The following FAT2 variants were observed in gnomAD, a reference collection of about 807,000 sequenced individuals.
FAT2 encodes the protein FAT atypical cadherin 2, also known as protocadherin Fat 2.
Under a neutral mutation model 295.3 loss-of-function variants are expected in FAT2, and 150 were observed. The ratio of observed to expected loss-of-function variants is 0.51; its 90% CI spans 0.44 to 0.58. The LOEUF is 0.58. FAT2 is among the 20% of genes least tolerant of loss of function. FAT2 has a pLI of 0.00. For missense variants in FAT2, 4,868 were observed against 5,442.7 expected (o/e 0.89, Z 3.32); for synonymous variants, 2,026 against 2,150.3 (o/e 0.94, Z 1.60).
chr5:151,568,669 A>G lies in FAT2; in HGVS notation c.263T>C (p.Val88Ala). 1 of 1,614,162 alleles carries G rather than the reference A, an allele frequency of 6.2e-7. No individual in the cohort carries two copies. ...TCTTAGGAAGCAGAAGTTGCCCACC[A>G]CATACTCCTCAGTTTTAAATACATT... ...VANVFKTEEYVVGNFCFLRIR... is the reference protein window; with the variant it reads ...VANVFKTEEYAVGNFCFLRIR... The change falls in exon 2 of 24, where the codon GTG becomes GCG. Residue 88 changes from valine (V) to alanine (A), a missense_variant. Val to Ala is a moderately conservative substitution (Grantham distance 64). Transcript: ENST00000261800.
At chr5:151,569,666 C>CT (rs34750192) in intron 1 of FAT2, among the ~76,000 whole-genome samples, 73,809 of 152,110 alleles carry the variant, frequency 0.49, 18,111 homozygotes, top group Non-Finnish European at 0.53. Context: ...GTCCTGAACT[C>CT]TTACTCTTTT....
intron 1 of FAT2, among the ~76,000 whole-genome samples, chr5:151,577,420 G>A (rs1758787062): frequency 6.6e-6 from 1 of 152,228 alleles, no homozygotes; most frequent in Non-Finnish European, 1.5e-5. Flanking sequence ...CAGAGAACAA[G>A]AGAGATGAGG....
chr5:151,543,379 G>C lies in FAT2; in HGVS notation c.7748C>G (p.Pro2583Arg). Residue 2583 changes from proline to arginine, a missense_variant, in exon 10 of 24, where the codon CCA (proline) becomes CGA (arginine). Around this residue, in one of 5 missense-constraint regions of FAT2, gnomAD observed 3,297 missense variants for 3,669.4 expected, o/e 0.90. Transcript: ENST00000261800. The part of the protein sequence containing the change: ...IILTDENDNP[P>R]QFKASEYTVS... The stretch of plus-strand genomic sequence containing the variant: ...TGTGTACTCAGATGCTTTGAACTGT[G>C]GGGGGTTGTCATTTTCATCTGTGAG... The C allele has an allele frequency of 6.2e-7, 1 of 1,614,114 alleles. No homozygotes were observed.
chr5:151,581,703 C>G (rs541082626), intron 1 of FAT2, among the ~76,000 whole-genome samples: 2 of 152,320 alleles, frequency 1.3e-5, no homozygotes, highest in East Asian at 3.9e-4. Context: ...CTCCTGAGAT[C>G]ACACAGCTAG....
intron 22 of FAT2, 153 bp downstream of exon 22, chr5:151,509,868 G>A: frequency 1.2e-6 from 1 of 835,134 alleles, no homozygotes; most frequent in East Asian, 2.5e-5. Context: ...TGCCAAAAAG[G>A]TTGGGGACCA....
In FAT2 at chr5:151,505,692, G is replaced by C. The variant is rs933429201; in HGVS notation, c.12923C>G (p.Ser4308Cys). 1.9e-6 allele frequency: 3 copies of C among 1,614,100 alleles called. No homozygotes were observed. In the South Asian group the frequency reaches 3.3e-5, roughly 18 times the overall value. The part of the protein sequence containing the change: ...VGMRLSRAGP[S>C]YAVCEVEGAP... The stretch of plus-strand genomic sequence containing the variant: ...CCCCTCCACCTCACAGACAGCATAA[G>C]AGGGCCCAGCTCGGCTGAGGCGCAT... The change falls in exon 24 of 24, where the codon TCT (serine) becomes TGT (cysteine). Residue 4308 changes from serine (S) to cysteine (C), a missense_variant. This residue lies in a region of FAT2 where 492 missense variants were observed against 482.6 expected (regional missense o/e 1.02). Transcript: ENST00000261800.
intron 9 of FAT2, 135 bp downstream of exon 9, chr5:151,549,160 A>G: frequency 1.4e-6 from 1 of 740,458 alleles, no homozygotes; most frequent in Non-Finnish European, 2.2e-6. Context: ...GTCCCAGGGA[A>G]TGCTCTAGAA....
At chr5:151,588,687 A>G (rs184660588) in intron 1 of FAT2, among the ~76,000 whole-genome samples, 13 of 152,336 alleles carry the variant, frequency 8.5e-5, no homozygotes, top group Non-Finnish European at 1.6e-4. Flanking sequence ...TAGGAGAGCC[A>G]ATATAAAATA....
Position 151,537,939 on chromosome 5 carries a change from T to C in FAT2, c.9047A>G (p.Tyr3016Cys), listed in dbSNP as rs1333575629. Residue 3016 changes from tyrosine to cysteine, a missense_variant, in exon 12 of 24, where the codon TAT becomes TGT. This residue lies in a region of FAT2 where 1,046 missense variants were observed against 1,210.1 expected (regional missense o/e 0.86). Coordinates refer to ENST00000261800, the MANE Select transcript of FAT2 (RefSeq NM_001447.3). ...DNSPQCSQLL[Y>C]TGKVHEDVFP... ...TACATCTTCATGAACCTTGCCAGTA[T>C]AGAGAAGCTAGAGATGGAAAGACAA... The C allele has an allele frequency of 3.1e-6, 5 of 1,613,666 alleles. No individual in the cohort carries two copies. Among genetic ancestry groups the C allele is most frequent in the Non-Finnish European group, 2.5e-6 (3 of 1,179,848 alleles).
At chr5:151,548,412 AT>A (rs1756867650) in intron 9 of FAT2, among the ~76,000 whole-genome samples, 1 of 152,186 alleles carries the variant, frequency 6.6e-6, no homozygotes, top group Admixed American at 6.5e-5. Context: ...ATTGCTTATA[AT>A]TAACACTTAT....
intron 18 of FAT2, 122 bp from the exon 19 acceptor site, chr5:151,522,208 C>A: frequency 1.4e-6 from 1 of 725,864 alleles, no homozygotes; most frequent in Non-Finnish European, 2.2e-6. Flanking sequence ...AGGGCTGGCT[C>A]AGCGCATTGT....
chr5:151,516,749 T>C (rs1752911094), intron 20 of FAT2, among the ~76,000 whole-genome samples: 1 of 152,170 alleles, frequency 6.6e-6, no homozygotes, highest in Non-Finnish European at 1.5e-5. Flanking sequence ...TAGTAGATGC[T>C]CAATAAATCT....
intron 13 of FAT2, 77 bp from the exon 14 acceptor site, chr5:151,532,047 C>A (rs1383903616): frequency 6.4e-7 from 1 of 1,557,788 alleles, no homozygotes; most frequent in Non-Finnish European, 8.7e-7. Flanking sequence ...CCTGCAGCCA[C>A]AGGAGGGGCT....
Position 151,543,384 on chromosome 5 carries a change from G to T in FAT2, c.7743C>A (p.Asn2581Lys). The change falls in exon 10 of 24, where the codon AAC becomes AAA. Residue 2581 changes from asparagine (N) to lysine (K), a missense_variant. By Grantham distance (94) the Asn-to-Lys change is moderately conservative. Transcript: ENST00000261800. ...VKIILTDEND[N>K]PPQFKASEYT... is the part of the protein sequence containing the mutation. ...ACTCAGATGCTTTGAACTGTGGGGGGTTGTCATTTTCATCTGTGAGGATGA... is the reference window on the plus strand; with the variant it reads ...ACTCAGATGCTTTGAACTGTGGGGGTTTGTCATTTTCATCTGTGAGGATGA... The T allele has an allele frequency of 6.2e-7, 1 of 1,614,120 alleles. No individual in the cohort carries two copies. The highest frequency in any genetic ancestry group is 8.5e-7 in the Non-Finnish European group (1 of 1,180,020).
chr5:151,562,597 G>T (rs1209117261), intron 3 of FAT2, among the ~76,000 whole-genome samples: 1 of 152,208 alleles, frequency 6.6e-6, no homozygotes. Flanking sequence ...GGCCCAGCGG[G>T]ACTGTGAAGA....
intron 4 of FAT2, among the ~76,000 whole-genome samples, chr5:151,556,104 T>G (rs1256538758): frequency 6.6e-6 from 1 of 152,216 alleles, no homozygotes; most frequent in Non-Finnish European, 1.5e-5. Context: ...CTTCACTCCC[T>G]GCAGGCATCA....
At chr5:151,537,743 G>C (rs189911899) in intron 12 of FAT2, 50 bp downstream of exon 12, 12 of 1,557,646 alleles carry the variant, frequency 7.7e-6, no homozygotes, top group Admixed American at 3.7e-5. Context: ...TGGGCACTTG[G>C]TATTCAGTAA....
At chr5:151,518,657 G>A (rs2127576889) in intron 19 of FAT2, among the ~76,000 whole-genome samples, 1 of 152,276 alleles carries the variant, frequency 6.6e-6, no homozygotes, top group South Asian at 2.1e-4. Context: ...TAGACTGTAT[G>A]GCCAAAACTT....
In FAT2 at chr5:151,565,906, G is replaced by C. The variant is rs143411522; in HGVS notation, c.3026C>G (p.Ala1009Gly). The C allele has an allele frequency of 6.2e-7, 1 of 1,613,932 alleles. No homozygotes were observed. Among genetic ancestry groups the C allele is most frequent in the Non-Finnish European group, 8.5e-7 (1 of 1,180,016 alleles). The part of the protein sequence containing the change: ...LWASDGGRPL[A>G]RRTLCHVEVI... ...CTCCACATGGCAGAGAGTCCTGCGG[G>C]CTAGGGGCCTCCCACCATCACTGGC... is the stretch of plus-strand genomic sequence containing the variant. Residue 1009 changes from alanine to glycine, a missense_variant, in exon 2 of 24, where the codon GCC becomes GGC. Coordinates refer to ENST00000261800, the MANE Select transcript of FAT2 (RefSeq NM_001447.3).
Sources: allele counts gnomAD v4.1 joint callset (sites outside exome capture counted in the v4.1 genomes callset), GRCh38; gene constraint gnomAD v4.1.1; regional missense constraint gnomAD v4.1.1; transcripts MANE v1.5; gene names NCBI Gene and HGNC (gene_info 2026-07-23, HGNC 2026-07-21).